SLC38A6: variants seen among roughly 807,000 people sequenced by gnomAD.
SLC38A6 encodes the protein solute carrier family 38 member 6.
A neutral mutation model predicts 65.0 loss-of-function variants in SLC38A6; 73 were observed. That is an observed-to-expected ratio of 1.12 (90% CI 0.93 to 1.37). The LOEUF is 1.37. Ranked by LOEUF, SLC38A6 falls within the 40% of genes most tolerant of loss-of-function variation. The probability of loss-of-function intolerance (pLI) is 0.00; values close to 1 mark genes in which losing one functional copy is unlikely to be tolerated. For synonymous variants in SLC38A6, 183 were observed against 178.8 expected (o/e 1.02, Z -0.19); for missense variants, 561 against 531.1 (o/e 1.06, Z -0.55).
In SLC38A6 at chr14:61,026,381, C is replaced by T. The variant is rs144114448; in HGVS notation, c.404-4064C>T. Reference sequence around the variant, plus strand: ...CATAGCAGTAGATGCAATAGAATCTCATCATGAAACTCCATGAATTTTGAA... The same window carrying T: ...CATAGCAGTAGATGCAATAGAATCTTATCATGAAACTCCATGAATTTTGAA... On this transcript the variant is annotated intron_variant, in intron 5 of 15. Transcript: ENST00000267488. Among the ~76,000 whole-genome samples the T allele has an allele frequency of 4.3e-3, 655 of 152,170 alleles. 10 individuals are homozygous for T. Among genetic ancestry groups the T allele is most frequent in the African/African-American group, 0.014 (586 of 41,532 alleles).
intron 3 of SLC38A6, among the ~76,000 whole-genome samples, chr14:61,006,022 C>T (rs143678253): frequency 0.011 from 1,707 of 152,040 alleles, 12 homozygotes; most frequent in Non-Finnish European, 0.017. Context: ...GAAATAATGC[C>T]GCATATCTAC....
intron 5 of SLC38A6, among the ~76,000 whole-genome samples, chr14:61,021,825 TTCTG>T (rs1329801137): frequency 6.6e-6 from 1 of 152,208 alleles, no homozygotes; most frequent in Non-Finnish European, 1.5e-5. Context: ...TCAGAGTTTT[TTCTG>T]TCTTTTTTCG....
chr14:61,017,318 C>T (rs769221904), intron 4 of SLC38A6, among the ~76,000 whole-genome samples: 9 of 152,088 alleles, frequency 5.9e-5, no homozygotes, highest in Non-Finnish European at 1.0e-4. Flanking sequence ...GGGATTACAG[C>T]GTTAGCCACC....
At chr14:61,081,662 C>T (rs954770267) in intron 16 of SLC38A6, among the ~76,000 whole-genome samples, 9 of 151,998 alleles carry the variant, frequency 5.9e-5, no homozygotes, top group African/African-American at 1.4e-4. Context: ...CCAGCCTGGG[C>T]GACAGAGCGA....
intron 3 of SLC38A6, among the ~76,000 whole-genome samples, chr14:61,007,503 G>A (rs2039229543): frequency 6.6e-6 from 1 of 152,062 alleles, no homozygotes; most frequent in South Asian, 2.1e-4. Context: ...TGGGCCTGGT[G>A]TATTTGCATG....
chr14:60,983,266 G>A (rs1240018427), intron 2 of SLC38A6, among the ~76,000 whole-genome samples: 3 of 152,138 alleles, frequency 2.0e-5, no homozygotes, highest in South Asian at 2.1e-4. Flanking sequence ...CAAGGCAGGC[G>A]GATCACTGGA....
chr14:61,003,225 A>G lies in SLC38A6; in HGVS notation c.311-12679A>G, dbSNP rs1052950037. On this transcript the variant is annotated intron_variant, in intron 3 of 15. Coordinates refer to ENST00000267488, the MANE Select transcript of SLC38A6 (RefSeq NM_153811.3). ...ATTGGAAACCGTTCCCTGCCAAAAA[A>G]AGAAAGAAAAAGAAAAAAGTTTGTG... Among the ~76,000 whole-genome samples the G allele has an allele frequency of 3.3e-5, 5 of 152,244 alleles. No individual in the cohort carries two copies. The South Asian group carries it at 1.0e-3, about 32-fold the overall frequency.
At chr14:60,991,047 C>T (rs1172480766) in intron 3 of SLC38A6, among the ~76,000 whole-genome samples, 1 of 152,112 alleles carries the variant, frequency 6.6e-6, no homozygotes, top group African/African-American at 2.4e-5. Context: ...TTACTATTAC[C>T]ACCATCAAAA....
chr14:61,002,432 G>C (rs2038775057), intron 3 of SLC38A6, among the ~76,000 whole-genome samples: 2 of 152,184 alleles, frequency 1.3e-5, no homozygotes, highest in African/African-American at 4.8e-5. Context: ...CTTTCTGAGA[G>C]TTGAACTGTA....
intron 15 of SLC38A6, among the ~76,000 whole-genome samples, chr14:61,077,657 A>C (rs1396728159): frequency 6.6e-6 from 1 of 152,166 alleles, no homozygotes; most frequent in Non-Finnish European, 1.5e-5. Context: ...CATTCAAATA[A>C]ATTCTTTGCT....
chr14:61,036,584 A>G (rs898804698), intron 6 of SLC38A6, among the ~76,000 whole-genome samples: 1 of 152,214 alleles, frequency 6.6e-6, no homozygotes, highest in African/African-American at 2.4e-5. Context: ...CATTCTGCAC[A>G]TGTTCTACGG....
At chr14:61,009,900 A>G (rs1300649772) in intron 3 of SLC38A6, among the ~76,000 whole-genome samples, 1 of 152,218 alleles carries the variant, frequency 6.6e-6, no homozygotes, top group Non-Finnish European at 1.5e-5. Flanking sequence ...TATACCCAGT[A>G]ATGGGATGGC....
chr14:61,009,878 T>A (rs1391076418), intron 3 of SLC38A6, among the ~76,000 whole-genome samples: 2 of 152,176 alleles, frequency 1.3e-5, no homozygotes, highest in Non-Finnish European at 2.9e-5. Context: ...ATGATTTATG[T>A]TCCTTTGGGT....
chr14:61,081,893 C>T (rs1268002711), intron 16 of SLC38A6, among the ~76,000 whole-genome samples: 3 of 152,162 alleles, frequency 2.0e-5, no homozygotes, highest in Non-Finnish European at 2.9e-5. Flanking sequence ...AGCTTAGGTT[C>T]TGAACCACTG....
At chr14:60,984,688 A>G (rs1452064983) in intron 2 of SLC38A6, 42 bp from the exon 3 acceptor site, 2 of 1,592,164 alleles carry the variant, frequency 1.3e-6, no homozygotes, top group Non-Finnish European at 1.7e-6. Flanking sequence ...ACAAAAGACA[A>G]ACTTTTGGGA....
At chr14:61,033,845 G>A (rs558301294) in intron 6 of SLC38A6, among the ~76,000 whole-genome samples, 1 of 152,206 alleles carries the variant, frequency 6.6e-6, no homozygotes, top group Admixed American at 6.5e-5. Flanking sequence ...ACGATAACCA[G>A]TAGCCAAGAC....
chr14:61,005,846 C>A (rs1328960728), intron 3 of SLC38A6, among the ~76,000 whole-genome samples: 3 of 152,048 alleles, frequency 2.0e-5, no homozygotes, highest in African/African-American at 7.2e-5. Flanking sequence ...TCATATGGAA[C>A]CAAAAAAGAG....
At chr14:61,002,214 A>C (rs1251047264) in intron 3 of SLC38A6, 1 of 152,224 alleles carries the variant, frequency 6.6e-6, no homozygotes, top group Non-Finnish European at 1.5e-5. Flanking sequence ...TGAGTGTTTT[A>C]AAATCATGCC....
chr14:61,041,705 C>T (rs1410848315), intron 8 of SLC38A6, among the ~76,000 whole-genome samples: 1 of 152,142 alleles, frequency 6.6e-6, no homozygotes, highest in East Asian at 1.9e-4. Context: ...TTGAGACCAG[C>T]CTGGGCAACA....
Sources: gnomAD v4.1 joint callset for allele counts (sites outside exome capture counted in the v4.1 genomes callset) on GRCh38, gnomAD v4.1.1 for gene constraint, MANE v1.5 for transcripts, NCBI Gene and HGNC (gene_info 2026-07-23, HGNC 2026-07-21) for gene names.